Variants in ADAMTS20 observed in about 807,000 individuals in gnomAD.
The protein encoded by ADAMTS20 is ADAM metallopeptidase with thrombospondin type 1 motif 20.
ADAMTS20 carries 225 observed loss-of-function variants against 260.1 expected under a neutral mutation model. The observed-to-expected ratio is 0.87, with a 90% CI of 0.78 to 0.97. The LOEUF (loss-of-function observed/expected upper bound fraction) is 0.97, where lower values mean the gene tolerates loss of function less well. Among genes scored for constraint, ADAMTS20 ranks in the 50% least tolerant of loss-of-function variants. ADAMTS20 has a pLI of 0.00. For synonymous variants in ADAMTS20, 802 were observed against 769.5 expected (o/e 1.04, Z -0.70); for missense variants, 2,400 against 2,337.7 (o/e 1.03, Z -0.55).
At chr12:43,470,562 C>A (rs950519815) in intron 7 of ADAMTS20, among the ~76,000 whole-genome samples, 1 of 152,156 alleles carries the variant, frequency 6.6e-6, no homozygotes, top group Non-Finnish European at 1.5e-5. Flanking sequence ...ATTCTGGGTT[C>A]TCTAAAAGTT....
chr12:43,407,160 A>G (rs115089252), intron 28 of ADAMTS20, among the ~76,000 whole-genome samples: 3,460 of 152,180 alleles, frequency 0.023, 56 homozygotes, highest in African/African-American at 0.032. Context: ...GAAATATTTC[A>G]TTCAATTGCA....
intron 12 of ADAMTS20, among the ~76,000 whole-genome samples, chr12:43,453,219 T>C (rs1941902181): frequency 1.3e-5 from 2 of 152,144 alleles, no homozygotes; most frequent in Non-Finnish European, 2.9e-5. Flanking sequence ...CTAGTATAAT[T>C]TATCCTAAAA....
chr12:43,406,579 C>T (rs1461557371), intron 28 of ADAMTS20, among the ~76,000 whole-genome samples: 1 of 151,850 alleles, frequency 6.6e-6, no homozygotes, highest in Non-Finnish European at 1.5e-5. Context: ...TGTATGCATC[C>T]CTGTATATGT....
chr12:43,398,975 G>T, intron 29 of ADAMTS20, 91 bp downstream of exon 29: 1 of 916,350 alleles, frequency 1.1e-6, no homozygotes, highest in Non-Finnish European at 1.4e-6. Flanking sequence ...TTTTAGAGAA[G>T]CAAAACATTC....
intron 7 of ADAMTS20, among the ~76,000 whole-genome samples, chr12:43,471,161 T>C (rs964871752): frequency 1.3e-5 from 2 of 152,114 alleles, no homozygotes; most frequent in East Asian, 3.9e-4. Context: ...GGGCGAGGCA[T>C]TGCCTCACCT....
At chr12:43,455,861 A>T (rs1941955271) in intron 11 of ADAMTS20, among the ~76,000 whole-genome samples, 1 of 152,022 alleles carries the variant, frequency 6.6e-6, no homozygotes, top group Non-Finnish European at 1.5e-5. Flanking sequence ...GGCGCACGCC[A>T]CCACAACCCG....
At chr12:43,493,333 A>G (rs1942633494) in intron 4 of ADAMTS20, 80 bp from the exon 5 acceptor site, 3 of 1,023,216 alleles carry the variant, frequency 2.9e-6, no homozygotes, top group African/African-American at 3.2e-5. Flanking sequence ...GTCACAGAGT[A>G]TCAATTCTCT....
chr12:43,444,628 TAAA>T (rs1159092567), intron 15 of ADAMTS20, among the ~76,000 whole-genome samples: 1 of 152,146 alleles, frequency 6.6e-6, no homozygotes, highest in East Asian at 1.9e-4. Context: ...TCATGAAAAC[TAAA>T]AACACTCACA....
Position 43,453,892 on chromosome 12 carries a change from A to AT in ADAMTS20, c.1760+14dup, listed in dbSNP as rs1047934376. 2 of 1,578,430 alleles carry AT rather than the reference A, an allele frequency of 1.3e-6. No individual in the cohort carries two copies. The highest frequency in any genetic ancestry group is 1.8e-5 in the Admixed American group (1 of 54,460). On this transcript the variant is annotated intron_variant, in intron 12 of 38. Coordinates refer to ENST00000389420, the MANE Select transcript of ADAMTS20 (RefSeq NM_025003.5). ...TGAGATAATCTTAATTTATAGTGAC[A>AT]TAAAAAAGACATACTCAGGACGATT...
intron 3 of ADAMTS20, among the ~76,000 whole-genome samples, chr12:43,503,255 A>G (rs12298668): frequency 0.015 from 2,287 of 152,072 alleles, 55 homozygotes; most frequent in African/African-American, 0.051. Context: ...TTTTTCTGAC[A>G]ATTGTTTGGT....
At chr12:43,425,224 A>G (rs1191829874) in intron 28 of ADAMTS20, among the ~76,000 whole-genome samples, 3 of 151,994 alleles carry the variant, frequency 2.0e-5, no homozygotes, top group Admixed American at 1.3e-4. Flanking sequence ...ACATGGCCAC[A>G]TGGTGGGGAA....
chr12:43,391,115 C>G (rs1279593756), intron 29 of ADAMTS20, among the ~76,000 whole-genome samples: 1 of 152,126 alleles, frequency 6.6e-6, no homozygotes, highest in East Asian at 1.9e-4. Flanking sequence ...CTGGTGAGGG[C>G]CTACTTTCTG....
At chr12:43,523,872 C>CA (rs1373099740) in intron 3 of ADAMTS20, among the ~76,000 whole-genome samples, 1 of 151,740 alleles carries the variant, frequency 6.6e-6, no homozygotes, top group Non-Finnish European at 1.5e-5. Context: ...ACCCCCCTCC[C>CA]CCAACCACCC....
chr12:43,492,879 A>G (rs1453911084), intron 5 of ADAMTS20, among the ~76,000 whole-genome samples: 2 of 152,190 alleles, frequency 1.3e-5, no homozygotes, highest in African/African-American at 4.8e-5. Context: ...TTTAAAAACG[A>G]CTATATTCTA....
intron 37 of ADAMTS20, among the ~76,000 whole-genome samples, chr12:43,367,789 A>G (rs12581058): frequency 0.14 from 21,538 of 152,068 alleles, 1,867 homozygotes; most frequent in South Asian, 0.28. Context: ...AGAAAATCCT[A>G]AGTAATCTAC....
intron 3 of ADAMTS20, among the ~76,000 whole-genome samples, chr12:43,509,338 A>G (rs1465992471): frequency 6.6e-6 from 1 of 152,130 alleles, no homozygotes; most frequent in Non-Finnish European, 1.5e-5. Flanking sequence ...TGATATTGTT[A>G]TCAATATAAA....
intron 3 of ADAMTS20, among the ~76,000 whole-genome samples, chr12:43,504,766 T>A (rs1043600133): frequency 6.6e-6 from 1 of 152,136 alleles, no homozygotes; most frequent in Non-Finnish European, 1.5e-5. Flanking sequence ...AACAACATAG[T>A]AAAGATAAAA....
intron 16 of ADAMTS20, 101 bp downstream of exon 16, chr12:43,443,690 G>C: frequency 1.1e-6 from 1 of 897,166 alleles, no homozygotes; most frequent in Non-Finnish European, 1.8e-6. Flanking sequence ...TTGCATGCTT[G>C]CTAAAGGGAC....
intron 2 of ADAMTS20, among the ~76,000 whole-genome samples, chr12:43,549,605 C>T (rs765983318): frequency 2.2e-4 from 33 of 152,050 alleles, no homozygotes; most frequent in Non-Finnish European, 4.1e-4. Flanking sequence ...GGTAGCAAGT[C>T]TAGGATTTTC....
Sources: gnomAD v4.1 joint callset for allele counts (sites outside exome capture counted in the v4.1 genomes callset) on GRCh38, gnomAD v4.1.1 for gene constraint, MANE v1.5 for transcripts, NCBI Gene and HGNC (gene_info 2026-07-23, HGNC 2026-07-21) for gene names.